Variants in NEXMIF observed in about 807,000 individuals in gnomAD.
The protein encoded by NEXMIF is XLMR protein related to neurite extension.
A neutral mutation model predicts 62.1 loss-of-function variants in NEXMIF; 8 were observed. The ratio of observed to expected loss-of-function variants is 0.13; its 90% confidence interval spans 0.08 to 0.23. The LOEUF is 0.23. Ranked by LOEUF, NEXMIF falls within the 10% of genes least tolerant of loss-of-function variation. NEXMIF has a pLI of 1.00. For missense variants in NEXMIF, 976 were observed against 1,113.3 expected, an observed-to-expected ratio of 0.88 and a Z score of 1.75; for synonymous variants, 404 against 416.6, an observed-to-expected ratio of 0.97 and a Z score of 0.37.
intron 1 of NEXMIF, among the ~76,000 whole-genome samples, chrX:74,866,611 G>C (rs780238785): frequency 1.1e-4 from 12 of 112,625 alleles, no homozygotes; most frequent in Non-Finnish European, 1.9e-4. Context: ...ATCTCATCTT[G>C]AATTGTAGCT....
In NEXMIF at chrX:74,743,998, T is replaced by C; in HGVS notation, c.559A>G (p.Ile187Val). 8.3e-7 allele frequency: 1 copy of C among 1,210,846 alleles called. No individual in the cohort carries two copies. Among genetic ancestry groups the C allele is most frequent in the South Asian group, 1.8e-5 (1 of 56,949 alleles). ...CAVSDIGIQC[I>V]NAGENMKYGE... ...TATTTCATATTTTCTCCAGCATTAA[T>C]ACACTGAATCCCTATATCAGAGACT... The change falls in exon 3 of 4, where the codon ATT becomes GTT. Residue 187 changes from isoleucine (I) to valine (V), a missense_variant. Ile to Val is a conservative substitution (Grantham distance 29). Transcript: ENST00000055682.
At chrX:74,761,725 A>G (rs1569338943) in intron 1 of NEXMIF, among the ~76,000 whole-genome samples, 1 of 109,906 alleles carries the variant, frequency 9.1e-6, no homozygotes, top group Non-Finnish European at 1.9e-5. Context: ...GACCTCCTTC[A>G]GTTCAGCTCT....
intron 1 of NEXMIF, among the ~76,000 whole-genome samples, chrX:74,876,212 A>G (rs1305713432): frequency 2.7e-4 from 30 of 111,105 alleles, no homozygotes; most frequent in African/African-American, 9.6e-4. Context: ...GTTGGTTTCA[A>G]AGAACATCTT....
intron 1 of NEXMIF, among the ~76,000 whole-genome samples, chrX:74,871,478 C>T (rs185587063): frequency 9.0e-6 from 1 of 111,583 alleles, no homozygotes; most frequent in Non-Finnish European, 1.9e-5. Flanking sequence ...CGAGAGCAGA[C>T]AACTGGTCTG....
chrX:74,884,911 G>C (rs186939469), intron 1 of NEXMIF, among the ~76,000 whole-genome samples: 92 of 111,468 alleles, frequency 8.3e-4, no homozygotes, highest in Middle Eastern at 4.6e-3. Flanking sequence ...GCAGTCCTCA[G>C]CAAATGTAAA....
chrX:74,864,952 G>A (rs965137793), intron 1 of NEXMIF, among the ~76,000 whole-genome samples: 2 of 111,560 alleles, frequency 1.8e-5, no homozygotes, highest in African/African-American at 6.5e-5. Flanking sequence ...CAGGTGATCT[G>A]CCCACCTTGG....
intron 1 of NEXMIF, among the ~76,000 whole-genome samples, chrX:74,920,766 C>T (rs1307275113): frequency 1.8e-5 from 2 of 111,806 alleles, no homozygotes; most frequent in East Asian, 2.8e-4. Context: ...TTAGGTCTAA[C>T]GTTTAAGTCT....
At chrX:74,792,238 T>C (rs2080286673) in intron 1 of NEXMIF, among the ~76,000 whole-genome samples, 1 of 111,557 alleles carries the variant, frequency 9.0e-6, no homozygotes, top group Non-Finnish European at 1.9e-5. Context: ...ATGTACCCAG[T>C]AGTCATTCAG....
intron 1 of NEXMIF, among the ~76,000 whole-genome samples, chrX:74,871,714 G>T (rs1393497521): frequency 9.0e-6 from 1 of 111,557 alleles, no homozygotes; most frequent in Non-Finnish European, 1.9e-5. Flanking sequence ...TAGGCTTTCT[G>T]TGAGAAGAAA....
intron 1 of NEXMIF, among the ~76,000 whole-genome samples, chrX:74,797,050 T>C (rs768469024): frequency 1.6e-4 from 18 of 112,138 alleles, no homozygotes; most frequent in African/African-American, 5.2e-4. Context: ...AATGGAACTT[T>C]ACCTCTGTGA....
At chrX:74,795,444 C>T (rs776775957) in intron 1 of NEXMIF, among the ~76,000 whole-genome samples, 25 of 111,911 alleles carry the variant, frequency 2.2e-4, no homozygotes, top group Non-Finnish European at 4.5e-4. Flanking sequence ...CCAAAGACTA[C>T]ATATTGTATT....
chrX:74,748,576 T>A (rs1329753841), intron 1 of NEXMIF, among the ~76,000 whole-genome samples: 1 of 112,391 alleles, frequency 8.9e-6, no homozygotes, highest in Non-Finnish European at 1.9e-5. Flanking sequence ...TTTGGAAGAA[T>A]GTACAACAAA....
chrX:74,853,530 T>C (rs774050449), intron 1 of NEXMIF, among the ~76,000 whole-genome samples: 1 of 109,816 alleles, frequency 9.1e-6, no homozygotes, highest in Admixed American at 9.8e-5. Flanking sequence ...ATCATTTACA[T>C]ATAAAAGCTC....
Position 74,743,234 on chromosome X carries a change from A to G in NEXMIF, c.1323T>C (p.Asp441=). The G allele has an allele frequency of 1.7e-6, 2 of 1,211,624 alleles. No individual in the cohort carries two copies. Among genetic ancestry groups the G allele is most frequent in the Non-Finnish European group, 2.2e-6 (2 of 895,447 alleles). ...ATGAGATCTCAATGAAGGAACTATC[A>G]TCACTGAAACTCCCTGATGTCTCCA... The part of the protein sequence containing the change: ...NSLETSGSFS[D]DSSFIEISYD... The change falls in exon 3 of 4, where the codon GAT becomes GAC. Residue 441 remains aspartate (D), a synonymous_variant. Transcript: ENST00000055682.
At chrX:74,816,187 A>G (rs959345525) in intron 1 of NEXMIF, among the ~76,000 whole-genome samples, 1 of 111,573 alleles carries the variant, frequency 9.0e-6, no homozygotes, top group Non-Finnish European at 1.9e-5. Flanking sequence ...AGTACGTACT[A>G]CCTTTGAACC....
At chrX:74,878,745 C>T (rs746340210) in intron 1 of NEXMIF, among the ~76,000 whole-genome samples, 2 of 112,398 alleles carry the variant, frequency 1.8e-5, no homozygotes, top group East Asian at 2.8e-4. Context: ...GGGAGTGACC[C>T]GATTTTCCAG....
chrX:74,736,747 G>T lies in NEXMIF; in HGVS notation c.*2658C>A, dbSNP rs972211980. 24 of 111,919 alleles carry T rather than the reference G, an allele frequency of 2.1e-4. No individual in the cohort carries two copies. Among genetic ancestry groups the T allele is most frequent in the Admixed American group, 2.0e-3 (21 of 10,493 alleles). The allele number at this position is 111,919 out of a possible 1,213,427, so 9.2% of individuals were successfully genotyped here. A position where few individuals can be genotyped will look rare whatever the true frequency, so the allele number is the denominator to read the frequency against. On this transcript the variant is annotated 3_prime_UTR_variant, in exon 4 of 4. Transcript: ENST00000055682. Reference sequence around the variant, plus strand: ...TTTCTCAAACTCTGTTTCTTTTTATGTTTCAGTACAAAGTGACTGGTTATG... The same window carrying T: ...TTTCTCAAACTCTGTTTCTTTTTATTTTTCAGTACAAAGTGACTGGTTATG...
chrX:74,755,804 C>T (rs762078922), intron 1 of NEXMIF, among the ~76,000 whole-genome samples: 2 of 112,113 alleles, frequency 1.8e-5, no homozygotes, highest in Non-Finnish European at 3.8e-5. Flanking sequence ...CTTTTCACAG[C>T]CAGAAGACCT....
chrX:74,905,178 AAAAACAAAAC>A (rs904136298), intron 1 of NEXMIF, among the ~76,000 whole-genome samples: 1 of 112,322 alleles, frequency 8.9e-6, no homozygotes, highest in Admixed American at 9.4e-5. Flanking sequence ...GATATTGGGT[AAAAACAAAAC>A]AAAACAAAAC....
Sources: allele counts gnomAD v4.1 joint callset (sites outside exome capture counted in the v4.1 genomes callset), GRCh38; gene constraint gnomAD v4.1.1; transcripts MANE v1.5; gene names NCBI Gene and HGNC (gene_info 2026-07-23, HGNC 2026-07-21).